Variants in RFX1 observed in about 807,000 individuals in gnomAD.
RFX1 encodes MHC class II regulatory factor RFX1.
A neutral mutation model predicts 119.6 loss-of-function variants in RFX1; 42 were observed. The ratio of observed to expected loss-of-function variants is 0.35; its 90% CI spans 0.27 to 0.45. The LOEUF (loss-of-function observed/expected upper bound fraction) is 0.45, where lower values mean the gene tolerates loss of function less well. RFX1 is among the 20% of genes least tolerant of loss of function. The probability of loss-of-function intolerance (pLI) is 1.00; values close to 1 mark genes in which losing one functional copy is unlikely to be tolerated. For missense variants in RFX1, 1,118 were observed against 1,368.1 expected (o/e 0.82, Z 2.88); for synonymous variants, 628 against 618.5 (o/e 1.02, Z -0.23).
At position 13,978,075 on chromosome 19, in the gene RFX1, G is replaced by C. The variant is rs1463482986; in HGVS notation, c.846C>G (p.Leu282=). 3.1e-6 allele frequency: 5 copies of C among 1,613,048 alleles called. No homozygotes were observed. The highest frequency in any genetic ancestry group is 3.4e-6 in the Non-Finnish European group (4 of 1,179,648). ...ACACGTGTGGGACGGGCACCTGCTG[G>C]AGCTGCTGCACCTGGGGCAGAGGAA... is the stretch of plus-strand genomic sequence containing the variant. ...PVHVAQEVQQ[L]QQVPVPHVYS... The change falls in exon 8 of 21, where the codon CTC becomes CTG. Residue 282 remains leucine (L), a synonymous_variant. Coordinates refer to ENST00000254325, the MANE Select transcript of RFX1 (RefSeq NM_002918.5).
Position 13,963,913 on chromosome 19 carries a change from G to T in RFX1, c.2306C>A (p.Ala769Glu), listed in dbSNP as rs768449350. 4 of 1,549,330 alleles carry T rather than the reference G, an allele frequency of 2.6e-6. No homozygotes were observed. Among genetic ancestry groups the T allele is most frequent in the Non-Finnish European group, 3.5e-6 (4 of 1,148,244 alleles). The change falls in exon 17 of 21, where the codon GCA becomes GAA. Residue 769 changes from alanine (A) to glutamate (E), a missense_variant. Transcript: ENST00000254325. ...GTCGCTCAGCATCTGGTTGATCTGT[G>T]CGGTGTTCTGCAGCACAGCGCGCGC... ...QAARAVLQNT[A>E]QINQMLSDLN...
Position 13,968,117 on chromosome 19 carries a change from A to G in RFX1, c.1732+448T>C, listed in dbSNP as rs61194048. Among the ~76,000 whole-genome samples, 9,458 of 152,032 alleles carry G rather than the reference A, an allele frequency of 0.062. 975 individuals are homozygous for G. Among genetic ancestry groups the G allele is most frequent in the African/African-American group, 0.21 (8,767 of 41,414 alleles). On this transcript the variant is annotated intron_variant, in intron 12 of 20. Coordinates refer to ENST00000254325, the MANE Select transcript of RFX1 (RefSeq NM_002918.5). This position sits in a 1 kb window ranked among gnomAD's most constrained non-coding sequence, Gnocchi z 5.5. ...AAAGTTACTAAAATTAGCCAGGCAT[A>G]GTGGCACGTGCCTGTAGTTCCAGCT... is the stretch of plus-strand genomic sequence containing the variant.
chr19:13,996,658 C>A (rs10413836), intron 1 of RFX1, among the ~76,000 whole-genome samples: 5 of 152,012 alleles, frequency 3.3e-5, no homozygotes, highest in African/African-American at 1.2e-4. Context: ...CTCTCTGACC[C>A]CCAGATACAT....
intron 8 of RFX1, among the ~76,000 whole-genome samples, chr19:13,976,441 C>T (rs998661698): frequency 6.6e-6 from 1 of 152,212 alleles, no homozygotes; most frequent in Non-Finnish European, 1.5e-5. Flanking sequence ...CGGCGAGGAG[C>T]CCGAGCCGGG....
rs954064381 is a variant in RFX1 at position 13,968,284 on chromosome 19, A to G, written c.1732+281T>C. ...AACAAATAAATACAAAAATAAAGAA[A>G]ATCTCAAGTAGCATAAAGGGGATTC... is the stretch of plus-strand genomic sequence containing the variant. On this transcript the variant is annotated intron_variant, in intron 12 of 20. Coordinates refer to ENST00000254325, the MANE Select transcript of RFX1 (RefSeq NM_002918.5). The surrounding 1 kb of genome is among the most constrained non-coding windows in gnomAD (Gnocchi z 5.5). Among the ~76,000 whole-genome samples, 1 of 152,152 alleles carries G rather than the reference A, an allele frequency of 6.6e-6. No homozygotes were observed. Among genetic ancestry groups the G allele is most frequent in the African/African-American group, 2.4e-5 (1 of 41,440 alleles).
chr19:13,973,187 C>G, intron 8 of RFX1, 60 bp from the exon 9 acceptor site: 2 of 1,268,808 alleles, frequency 1.6e-6, no homozygotes, highest in Non-Finnish European at 2.2e-6. Context: ...GGCCGAGGGG[C>G]ATGACTGTGC....
chr19:13,962,577 C>T lies in RFX1; in HGVS notation c.*118G>A, dbSNP rs538256802. On this transcript the variant is annotated 3_prime_UTR_variant, in exon 21 of 21. Coordinates refer to ENST00000254325, the MANE Select transcript of RFX1 (RefSeq NM_002918.5). ...AGGAGGGCCCCGGTCTTCCCTGTCTCGGAGTCCCCCTCCCTGCCCTGGCTG... is the reference window on the plus strand; with the variant it reads ...AGGAGGGCCCCGGTCTTCCCTGTCTTGGAGTCCCCCTCCCTGCCCTGGCTG... The T allele has an allele frequency of 1.1e-5, 9 of 844,140 alleles. No homozygotes were observed. In the South Asian group the frequency reaches 1.5e-4, roughly 14 times the overall value. The allele number at this position is 844,140 out of a possible 1,614,324, so 52.3% of individuals were successfully genotyped here.
intron 2 of RFX1, among the ~76,000 whole-genome samples, chr19:13,988,024 CTTT>C (rs768766007): frequency 8.2e-5 from 11 of 134,460 alleles, no homozygotes; most frequent in Admixed American, 2.2e-4. Flanking sequence ...ACTTCTTGCT[CTTT>C]TTTTTTTTTT....
chr19:13,969,973 G>T lies in RFX1; in HGVS notation c.1496+21C>A. 6.3e-7 allele frequency: 1 copy of T among 1,590,508 alleles called. No individual in the cohort carries two copies. Among genetic ancestry groups the T allele is most frequent in the South Asian group, 1.1e-5 (1 of 87,624 alleles). On this transcript the variant is annotated intron_variant, in intron 10 of 20. Transcript: ENST00000254325. This position sits in a 1 kb window ranked among gnomAD's most constrained non-coding sequence, Gnocchi z 4.5. ...CCCACCAATTCCCCAGGGACTGCTG[G>T]GAGTAGACGGATGGCCCTACCTGGT...
chr19:14,003,561 TAAC>T (rs1052519061), intron 1 of RFX1, among the ~76,000 whole-genome samples: 5 of 152,230 alleles, frequency 3.3e-5, no homozygotes, highest in Admixed American at 6.5e-5. Context: ...GAGGCTAACA[TAAC>T]TACATTAGCA....
chr19:13,968,531 G>A lies in RFX1; in HGVS notation c.1732+34C>T. 1 of 1,539,148 alleles carries A rather than the reference G, an allele frequency of 6.5e-7. No individual in the cohort carries two copies. The highest frequency in any genetic ancestry group is 9.0e-7 in the Non-Finnish European group (1 of 1,112,602). The stretch of plus-strand genomic sequence containing the variant: ...ACCGTCTGCACGGGGCAGGGAGGCG[G>A]TGGTTGGGGAAGCACGGGCCAGGGA... On this transcript the variant is annotated intron_variant, in intron 12 of 20. Transcript: ENST00000254325. The surrounding 1 kb of genome is among the most constrained non-coding windows in gnomAD (Gnocchi z 5.5).
chr19:13,976,449 G>A (rs954840413), intron 8 of RFX1, among the ~76,000 whole-genome samples: 4 of 152,246 alleles, frequency 2.6e-5, no homozygotes, highest in Admixed American at 6.5e-5. Flanking sequence ...AGCCCGAGCC[G>A]GGACTGAAGC....
At chr19:13,992,681 T>C (rs1427614005) in intron 2 of RFX1, among the ~76,000 whole-genome samples, 2 of 152,146 alleles carry the variant, frequency 1.3e-5, no homozygotes, top group African/African-American at 4.8e-5. Context: ...AGAGGAGCTA[T>C]GATGATCCCA....
rs1327175076 is a variant in RFX1 at position 13,965,526 on chromosome 19, G to A, written c.2134C>T (p.Arg712Trp). ...CTCTCCAGGCTCTTGGCAAAGTTCC[G>A]GATCGCTTGGGTCAAGGCACCTGTG... ...PIPSALTQAI[R>W]NFAKSLESWL... The change falls in exon 16 of 21, where the codon CGG (arginine) becomes TGG (tryptophan). Residue 712 changes from arginine (R) to tryptophan (W), a missense_variant. By Grantham distance (101) the Arg-to-Trp change is moderately radical. Around this residue, in one of 5 missense-constraint regions of RFX1, gnomAD observed 338 missense variants for 508.9 expected, o/e 0.66. Transcript: ENST00000254325. The surrounding 1 kb of genome is among the most constrained non-coding windows in gnomAD (Gnocchi z 4.7). 1 of 1,613,766 alleles carries A rather than the reference G, an allele frequency of 6.2e-7. No individual in the cohort carries two copies. The highest frequency in any genetic ancestry group is 8.5e-7 in the Non-Finnish European group (1 of 1,179,992).
intron 1 of RFX1, among the ~76,000 whole-genome samples, chr19:13,995,963 G>A (rs1465976162): frequency 6.6e-6 from 1 of 152,044 alleles, no homozygotes; most frequent in Admixed American, 6.6e-5. Flanking sequence ...AGGAGGCAGA[G>A]GTTGCAGAGA....
intron 1 of RFX1, among the ~76,000 whole-genome samples, chr19:14,005,095 C>A (rs1975329717): frequency 6.6e-6 from 1 of 152,184 alleles, no homozygotes; most frequent in Admixed American, 6.6e-5. Context: ...CCCCCATTCC[C>A]AGTAGGGGAG....
Position 13,962,862 on chromosome 19 carries a change from C to T in RFX1, c.2773G>A (p.Glu925Lys), listed in dbSNP as rs1329936811. 4 of 1,529,180 alleles carry T rather than the reference C, an allele frequency of 2.6e-6. No individual in the cohort carries two copies. The highest frequency in any genetic ancestry group is 4.1e-5 in the Admixed American group (2 of 48,654). 94.7% of individuals were successfully genotyped at this position (1,529,180 alleles called of 1,614,324 possible). The change falls in exon 21 of 21, where the codon GAG (glutamate) becomes AAG (lysine). Residue 925 changes from glutamate to lysine, a missense_variant and splice_region_variant. Transcript: ENST00000254325. ...CTCTCCTCCTCCTCTTCTTCCTCCT[C>T]GTCTGGAACACAGGGACCAAGTCCG... ...SLNPLDPDKD[E>K]EEEEEEESED...
chr19:13,963,766 C>G lies in RFX1; in HGVS notation c.2362-20G>C. On this transcript the variant is annotated intron_variant, in intron 17 of 20. Coordinates refer to ENST00000254325, the MANE Select transcript of RFX1 (RefSeq NM_002918.5). ...CTGCTCCTGGGGCACAGAGGGTGGGCGGGCGCCCGGGGCTCAGCCGCCGTC... is the reference window on the plus strand; with the variant it reads ...CTGCTCCTGGGGCACAGAGGGTGGGGGGGCGCCCGGGGCTCAGCCGCCGTC... The G allele has an allele frequency of 6.6e-7, 1 of 1,526,420 alleles. No individual in the cohort carries two copies. Among genetic ancestry groups the G allele is most frequent in the Non-Finnish European group, 8.8e-7 (1 of 1,139,108 alleles). 94.6% of individuals were successfully genotyped at this position (1,526,420 alleles called of 1,614,324 possible).
At position 13,980,749 on chromosome 19, in the gene RFX1, G is replaced by A; in HGVS notation, c.622-60C>T. On this transcript the variant is annotated intron_variant, in intron 5 of 20. Transcript: ENST00000254325. This position sits in a 1 kb window ranked among gnomAD's most constrained non-coding sequence, Gnocchi z 5.1. Reference sequence around the variant, plus strand: ...GTGGGCTTGCATCCTCTCTGAGGTGGGCTCACACACACACCCTTCTCAGGA... The same window carrying A: ...GTGGGCTTGCATCCTCTCTGAGGTGAGCTCACACACACACCCTTCTCAGGA... 2.1e-6 allele frequency: 2 copies of A among 966,666 alleles called. No homozygotes were observed. The highest frequency in any genetic ancestry group is 3.0e-5 in the South Asian group (2 of 65,598). The allele number at this position is 966,666 out of a possible 1,614,324, so 59.9% of individuals were successfully genotyped here.
Sources: gnomAD v4.1 joint callset for allele counts (sites outside exome capture counted in the v4.1 genomes callset) on GRCh38, gnomAD v4.1.1 for gene constraint, gnomAD v4.1.1 regional missense constraint, Gnocchi (gnomAD v3.1) non-coding constraint, MANE v1.5 for transcripts, NCBI Gene and HGNC (gene_info 2026-07-23, HGNC 2026-07-21) for gene names.